HHAT: variants seen among roughly 807,000 people sequenced by gnomAD.
HHAT encodes the protein protein-cysteine N-palmitoyltransferase HHAT.
In HHAT, 47 loss-of-function variants were observed where a neutral mutation model predicts 70.8. The observed-to-expected ratio is 0.66, with a 90% CI of 0.53 to 0.85. The LOEUF (loss-of-function observed/expected upper bound fraction) is 0.85, where lower values mean the gene tolerates loss of function less well. HHAT is among the 40% of genes least tolerant of loss of function. The probability of loss-of-function intolerance (pLI) is 0.00; values close to 1 mark genes in which losing one functional copy is unlikely to be tolerated. For synonymous variants in HHAT, 228 were observed against 247.6 expected (o/e 0.92, Z 0.74); for missense variants, 609 against 604.8 (o/e 1.01, Z -0.07).
chr1:210,592,078 A>G (rs190202726), intron 10 of HHAT, among the ~76,000 whole-genome samples: 61 of 152,076 alleles, frequency 4.0e-4, no homozygotes, highest in Non-Finnish European at 8.0e-4. Context: ...GCCTGTGCCT[A>G]TGGGGTATTA....
intron 11 of HHAT, among the ~76,000 whole-genome samples, chr1:210,643,415 A>G (rs1372200076): frequency 1.3e-5 from 2 of 152,266 alleles, no homozygotes; most frequent in Admixed American, 1.3e-4. Flanking sequence ...GGCAACAAAT[A>G]TAAAACTCAT....
rs71146233 is a variant in HHAT at position 210,569,373 on chromosome 1, C to CAAAAAAAAAAAAAAAAAAAAAAAAA, written c.1044-18523_1044-18499dup. Among the ~76,000 whole-genome samples, 18 of 28,344 alleles carry CAAAAAAAAAAAAAAAAAAAAAAAAA rather than the reference C, an allele frequency of 6.4e-4. 3 individuals carry two copies. Among genetic ancestry groups the CAAAAAAAAAAAAAAAAAAAAAAAAA allele is most frequent in the Admixed American group, 1.4e-3 (2 of 1,474 alleles). 18.6% of individuals were successfully genotyped at this position (28,344 alleles called of 152,430 possible). On this transcript the variant is annotated intron_variant, in intron 9 of 11. Coordinates refer to ENST00000261458, the MANE Select transcript of HHAT (RefSeq NM_018194.6). The stretch of plus-strand genomic sequence containing the variant: ...CGGGCGACAGAGCCAGAGTCTGCCT[C>CAAAAAAAAAAAAAAAAAAAAAAAAA]AAAAAAAAAAAAAAAAAAAAAAAAA...
chr1:210,627,590 G>C (rs926592986), intron 11 of HHAT, among the ~76,000 whole-genome samples: 8 of 152,084 alleles, frequency 5.3e-5, no homozygotes. Context: ...CTGAAGGCAA[G>C]GGATAGAAAT....
rs1681038327 is a variant in HHAT, at chr1:210,676,203, T to C, written c.*1824T>C. On this transcript the variant is annotated 3_prime_UTR_variant, in exon 12 of 12. Transcript: ENST00000261458. ...ACTACTTTGGAAGCGTCAGTGGATA[T>C]ATTTGAAAGTGGTAATCCTGAATCT... 6.6e-6 allele frequency: 1 copy of C among 152,218 alleles called. No individual in the cohort carries two copies. Among genetic ancestry groups the C allele is most frequent in the African/African-American group, 2.4e-5 (1 of 41,450 alleles). 9.4% of individuals were successfully genotyped at this position (152,218 alleles called of 1,614,324 possible). A position where few individuals can be genotyped will look rare whatever the true frequency, so the allele number is the denominator to read the frequency against.
intron 3 of HHAT, among the ~76,000 whole-genome samples, chr1:210,376,014 A>ATTTTTTTTTTTTTTTTTT (rs57707354): frequency 7.3e-5 from 8 of 108,886 alleles, no homozygotes; most frequent in South Asian, 3.1e-4. Context: ...TGCACAGCTA[A>ATTTTTTTTTTTTTTTTTT]TTTTTTTTTT....
At chr1:210,468,251 C>G (rs1298719274) in intron 8 of HHAT, among the ~76,000 whole-genome samples, 1 of 151,942 alleles carries the variant, frequency 6.6e-6, no homozygotes, top group African/African-American at 2.4e-5. Context: ...GCATTTTTTG[C>G]CAGGAGTCAT....
intron 3 of HHAT, among the ~76,000 whole-genome samples, chr1:210,371,255 G>A (rs922364837): frequency 1.3e-5 from 2 of 152,094 alleles, no homozygotes; most frequent in African/African-American, 4.8e-5. Context: ...AAGTTCAAGC[G>A]ATTCTCGTGC....
At chr1:210,441,701 T>C (rs1352634500) in intron 7 of HHAT, among the ~76,000 whole-genome samples, 1 of 152,156 alleles carries the variant, frequency 6.6e-6, no homozygotes, top group African/African-American at 2.4e-5. Flanking sequence ...AAAAAGTATT[T>C]GTTCATTGAC....
At chr1:210,448,152 A>G (rs6677991) in intron 7 of HHAT, among the ~76,000 whole-genome samples, 111,348 of 150,772 alleles carry the variant, frequency 0.74, 41,241 homozygotes, top group South Asian at 0.79. Flanking sequence ...CGATCTCAGT[A>G]CTCACTGCAA....
At chr1:210,533,927 C>T (rs528002411) in intron 9 of HHAT, among the ~76,000 whole-genome samples, 110 of 152,164 alleles carry the variant, frequency 7.2e-4, no homozygotes, top group Middle Eastern at 3.4e-3. Context: ...TGGCACCTGG[C>T]GGCTTGGTGA....
At position 210,449,984 on chromosome 1, in the gene HHAT, C is replaced by T. The variant is rs1333189267; in HGVS notation, c.857-14521C>T. Reference sequence around the variant, plus strand: ...GGGGGAAATATCAAAGTTAGCGATACGTATTTGGGATTCAACAGTGAGAAT... The same window carrying T: ...GGGGGAAATATCAAAGTTAGCGATATGTATTTGGGATTCAACAGTGAGAAT... On this transcript the variant is annotated intron_variant, in intron 7 of 11. Coordinates refer to ENST00000261458, the MANE Select transcript of HHAT (RefSeq NM_018194.6). 2.0e-5 allele frequency among the ~76,000 whole-genome samples: 3 copies of T among 152,056 alleles called. No individual in the cohort carries two copies. In the East Asian group the frequency reaches 5.8e-4, roughly 29 times the overall value.
chr1:210,573,884 A>T (rs1441303099), intron 9 of HHAT, among the ~76,000 whole-genome samples: 3 of 152,196 alleles, frequency 2.0e-5, no homozygotes, highest in Non-Finnish European at 4.4e-5. Context: ...AGGGAGTGAC[A>T]GTCAAAAGAA....
chr1:210,626,357 T>C (rs1669832239), intron 11 of HHAT, among the ~76,000 whole-genome samples: 1 of 152,184 alleles, frequency 6.6e-6, no homozygotes, highest in South Asian at 2.1e-4. Flanking sequence ...TGTGTCCTCC[T>C]TGGACTCAGG....
At chr1:210,404,817 G>A (rs535581271) in intron 6 of HHAT, 138 bp downstream of exon 6, 1 of 634,360 alleles carries the variant, frequency 1.6e-6, no homozygotes, top group South Asian at 2.0e-5. Context: ...TTCTCATGAG[G>A]TTTTTTGTAA....
rs190111833 is a variant in HHAT at position 210,404,430 on chromosome 1, A to G, written c.469-34A>G. On this transcript the variant is annotated intron_variant, in intron 5 of 11. Coordinates refer to ENST00000261458, the MANE Select transcript of HHAT (RefSeq NM_018194.6). ...GGACTGGACGATGTCCCTGCTGGCCACTCAAAGGTTGTTCTCTCCTTTTGA... is the reference window on the plus strand; with the variant it reads ...GGACTGGACGATGTCCCTGCTGGCCGCTCAAAGGTTGTTCTCTCCTTTTGA... 3.3e-6 allele frequency: 5 copies of G among 1,533,474 alleles called. No homozygotes were observed. The Admixed American group carries it at 6.7e-5, about 21-fold the overall frequency. 95.0% of individuals were successfully genotyped at this position (1,533,474 alleles called of 1,614,324 possible). A position where few individuals can be genotyped will look rare whatever the true frequency, so the allele number is the denominator to read the frequency against.
chr1:210,444,523 C>A (rs372719617), intron 7 of HHAT, among the ~76,000 whole-genome samples: 31,443 of 143,006 alleles, frequency 0.22, 3,702 homozygotes, highest in Admixed American at 0.34. Context: ...ACAATTTCAG[C>A]TCCTGTTATT....
intron 7 of HHAT, among the ~76,000 whole-genome samples, chr1:210,453,212 C>A (rs151292448): frequency 6.6e-6 from 1 of 152,044 alleles, no homozygotes; most frequent in African/African-American, 2.4e-5. Flanking sequence ...TTCTTTTTCC[C>A]CTCTTTTGAG....
chr1:210,329,850 C>T (rs542435778), intron 1 of HHAT, among the ~76,000 whole-genome samples: 1 of 152,316 alleles, frequency 6.6e-6, no homozygotes, highest in Non-Finnish European at 1.5e-5. Context: ...CGGTTTCAAG[C>T]GATTCTCCAG....
chr1:210,504,863 A>C (rs2094822691), intron 8 of HHAT, among the ~76,000 whole-genome samples: 2 of 146,334 alleles, frequency 1.4e-5, no homozygotes, highest in East Asian at 2.0e-4. Context: ...GTTTATTTTC[A>C]CTTCACTTCT....
Sources: allele counts gnomAD v4.1 joint callset (sites outside exome capture counted in the v4.1 genomes callset), GRCh38; gene constraint gnomAD v4.1.1; transcripts MANE v1.5; gene names NCBI Gene and HGNC (gene_info 2026-07-23, HGNC 2026-07-21).